Variants in ST3GAL2 observed in about 807,000 individuals in gnomAD.
The protein encoded by ST3GAL2 is CMP-N-acetylneuraminate-beta-galactosamide-alpha-2,3-sialyltransferase 2.
In ST3GAL2, 16 loss-of-function variants were observed where a neutral mutation model predicts 37.5. That is an observed-to-expected ratio of 0.43 (90% CI 0.29 to 0.65). ST3GAL2 has a LOEUF of 0.65. Among genes scored for constraint, ST3GAL2 ranks in the 30% least tolerant of loss-of-function variants. ST3GAL2 has a pLI of 0.17. For missense variants in ST3GAL2, 383 were observed against 487.8 expected (o/e 0.79, Z 2.02); for synonymous variants, 238 against 202.9 (o/e 1.17, Z -1.47).
intron 4 of ST3GAL2, among the ~76,000 whole-genome samples, chr16:70,385,892 A>T (rs113214667): frequency 2.0e-5 from 3 of 151,688 alleles, no homozygotes; most frequent in African/African-American, 7.3e-5. Flanking sequence ...TTTTTTGCAG[A>T]GACAGAGTTT....
chr16:70,416,583 T>TA (rs1488036119), intron 1 of ST3GAL2, among the ~76,000 whole-genome samples: 2 of 152,158 alleles, frequency 1.3e-5, no homozygotes, highest in African/African-American at 4.8e-5. Context: ...CCCAGGGCTA[T>TA]AAAAATCAAA....
rs374050629 is a variant in ST3GAL2 at position 70,407,061 on chromosome 16, CAG to C, written c.-1003-7530_-1003-7529del. 7.6e-4 allele frequency among the ~76,000 whole-genome samples: 116 copies of C among 151,718 alleles called. 1 individual carries two copies. Among genetic ancestry groups the C allele is most frequent in the African/African-American group, 2.5e-3 (104 of 41,336 alleles). The stretch of plus-strand genomic sequence containing the variant: ...CTTTATTGTTGGGGTTGGAGATTTA[CAG>C]AGAGACCAGATGTGAAATAGTCTTC... On this transcript the variant is annotated intron_variant, in intron 1 of 6. Transcript: ENST00000342907.
chr16:70,398,137 C>A, intron 2 of ST3GAL2, 55 bp downstream of exon 2: 1 of 1,569,204 alleles, frequency 6.4e-7, no homozygotes, highest in Non-Finnish European at 8.7e-7. Flanking sequence ...AGAGGGGGCT[C>A]TGAGTGGCTC....
chr16:70,396,661 G>A (rs566343728), intron 2 of ST3GAL2, among the ~76,000 whole-genome samples: 93 of 152,304 alleles, frequency 6.1e-4, no homozygotes, highest in Middle Eastern at 3.4e-3. Flanking sequence ...CTGGTCCTCG[G>A]GCACTCTTGA....
intron 3 of ST3GAL2, among the ~76,000 whole-genome samples, chr16:70,392,250 A>G (rs2047486770): frequency 6.6e-6 from 1 of 152,234 alleles, no homozygotes; most frequent in Non-Finnish European, 1.5e-5. Context: ...GGGAAGGAAC[A>G]TGGCACTCTA....
rs562604640 is a variant in ST3GAL2, at chr16:70,404,052, C to T, written c.-1003-4519G>A. On this transcript the variant is annotated intron_variant, in intron 1 of 6. Transcript: ENST00000342907. Reference sequence around the variant, plus strand: ...ATGCAGTTGGAAACAGGCAGTTGAACACACCTGTTTGAAGCTCATGGGTGA... The same window carrying T: ...ATGCAGTTGGAAACAGGCAGTTGAATACACCTGTTTGAAGCTCATGGGTGA... 5.3e-5 allele frequency among the ~76,000 whole-genome samples: 8 copies of T among 152,114 alleles called. No individual in the cohort carries two copies. The East Asian group carries it at 1.5e-3, about 29-fold the overall frequency.
intron 1 of ST3GAL2, among the ~76,000 whole-genome samples, chr16:70,435,311 G>C (rs1353073631): frequency 2.0e-5 from 3 of 152,132 alleles, no homozygotes; most frequent in Non-Finnish European, 2.9e-5. Flanking sequence ...TTTACATCTA[G>C]CTGGCTGGGC....
intron 1 of ST3GAL2, among the ~76,000 whole-genome samples, chr16:70,419,414 CAG>C (rs1294149606): frequency 6.6e-6 from 1 of 152,190 alleles, no homozygotes; most frequent in Non-Finnish European, 1.5e-5. Context: ...ATCCATAAGA[CAG>C]GGGCCCCGGC....
chr16:70,413,808 A>G (rs1485911482), intron 1 of ST3GAL2, among the ~76,000 whole-genome samples: 1 of 151,988 alleles, frequency 6.6e-6, no homozygotes, highest in Non-Finnish European at 1.5e-5. Flanking sequence ...GCCCCAGGAA[A>G]TGGTAACAAC....
Position 70,381,333 on chromosome 16 carries a change from G to GC in ST3GAL2, c.*355dup, listed in dbSNP as rs2047401835. 4.9e-6 allele frequency: 1 copy of GC among 202,912 alleles called. No homozygotes were observed. Among genetic ancestry groups the GC allele is most frequent in the Admixed American group, 5.6e-5 (1 of 17,714 alleles). 12.6% of individuals were successfully genotyped at this position (202,912 alleles called of 1,614,324 possible). A position where few individuals can be genotyped will look rare whatever the true frequency, so the allele number is the denominator to read the frequency against. On this transcript the variant is annotated 3_prime_UTR_variant, in exon 7 of 7. Transcript: ENST00000342907. ...AGGCTGACGGAAGTGCTTCGCCGAG[G>GC]CCCGCGCCATGCTCTCCTCCTCAGA...
intron 1 of ST3GAL2, among the ~76,000 whole-genome samples, chr16:70,401,609 GT>G (rs2047555232): frequency 6.6e-6 from 1 of 152,104 alleles, no homozygotes; most frequent in Non-Finnish European, 1.5e-5. Context: ...ATTTCTACCT[GT>G]GCCCCTCAGC....
At chr16:70,431,897 G>A (rs1440023532) in intron 1 of ST3GAL2, among the ~76,000 whole-genome samples, 1 of 152,002 alleles carries the variant, frequency 6.6e-6, no homozygotes, top group Non-Finnish European at 1.5e-5. Context: ...CCAGGAGGCA[G>A]AGCTTGCAGT....
At chr16:70,413,946 G>C (rs1334798377) in intron 1 of ST3GAL2, among the ~76,000 whole-genome samples, 3 of 152,258 alleles carry the variant, frequency 2.0e-5, no homozygotes, top group African/African-American at 4.8e-5. Flanking sequence ...CAGCAGGCCT[G>C]CAGCTTCAGC....
chr16:70,404,847 C>T (rs2047578581), intron 1 of ST3GAL2, among the ~76,000 whole-genome samples: 1 of 152,032 alleles, frequency 6.6e-6, no homozygotes, highest in Non-Finnish European at 1.5e-5. Flanking sequence ...ATCTGGCCAA[C>T]TTGGTGAAAC....
intron 1 of ST3GAL2, among the ~76,000 whole-genome samples, chr16:70,428,100 G>A (rs142919988): frequency 1.5e-4 from 23 of 152,342 alleles, no homozygotes; most frequent in African/African-American, 5.5e-4. Flanking sequence ...GGAAAGGTCT[G>A]GAAGTCACTG....
At chr16:70,387,298 T>G (rs1283704614) in intron 4 of ST3GAL2, among the ~76,000 whole-genome samples, 1 of 151,976 alleles carries the variant, frequency 6.6e-6, no homozygotes, top group African/African-American at 2.4e-5. Context: ...CTCATGCCTG[T>G]AATCTCAACA....
At chr16:70,414,042 G>A (rs1434987173) in intron 1 of ST3GAL2, among the ~76,000 whole-genome samples, 4 of 152,108 alleles carry the variant, frequency 2.6e-5, no homozygotes, top group Non-Finnish European at 5.9e-5. Context: ...GAAAAGTGGA[G>A]GCGTACATGA....
chr16:70,398,199 C>G lies in ST3GAL2; in HGVS notation c.332G>C (p.Trp111Ser). 6.2e-7 allele frequency: 1 copy of G among 1,611,180 alleles called. No individual in the cohort carries two copies. The highest frequency in any genetic ancestry group is 8.5e-7 in the Non-Finnish European group (1 of 1,178,234). ...NMDLPPDVQR[W>S]WMMLQPQFKS... Reference sequence around the variant, plus strand: ...GGGAGCAGCAGCTCTTACCATCCACCACCTCTGGACGTCCGGTGGAAGATC... The same window carrying G: ...GGGAGCAGCAGCTCTTACCATCCACGACCTCTGGACGTCCGGTGGAAGATC... The change falls in exon 2 of 7, where the codon TGG becomes TCG. Residue 111 changes from tryptophan to serine, a missense_variant. Physicochemically the swap from Trp to Ser is radical, Grantham distance 177 (BLOSUM62 -3). Coordinates refer to ENST00000342907, the MANE Select transcript of ST3GAL2 (RefSeq NM_006927.4).
chr16:70,393,094 T>C (rs1178573079), intron 3 of ST3GAL2, among the ~76,000 whole-genome samples: 1 of 151,768 alleles, frequency 6.6e-6, no homozygotes, highest in Non-Finnish European at 1.5e-5. Flanking sequence ...AAATTTTTTT[T>C]TTTTTTTTGA....
Sources: gnomAD v4.1 joint callset for allele counts (sites outside exome capture counted in the v4.1 genomes callset) on GRCh38, gnomAD v4.1.1 for gene constraint, MANE v1.5 for transcripts, NCBI Gene and HGNC (gene_info 2026-07-23, HGNC 2026-07-21) for gene names.